Variants in SULT1B1 observed in about 807,000 individuals in gnomAD.
SULT1B1 encodes sulfotransferase family 1B member 1, also known as sulfotransferase 1B1.
A neutral mutation model predicts 34.6 loss-of-function variants in SULT1B1; 28 were observed. The observed-to-expected ratio is 0.81, with a 90% CI of 0.60 to 1.11. The LOEUF is 1.11. Among genes scored for constraint, SULT1B1 ranks in the 50% least tolerant of loss-of-function variants. The pLI, the probability that SULT1B1 is intolerant of heterozygous loss-of-function variation, is 0.00. For missense variants in SULT1B1, 374 were observed against 352.2 expected (o/e 1.06, Z -0.50); for synonymous variants, 147 against 110.2 (o/e 1.33, Z -2.09).
chr4:69,736,507 G>C lies in SULT1B1; in HGVS notation c.376-2243C>G, dbSNP rs371489157. On this transcript the variant is annotated intron_variant, in intron 4 of 7. Transcript: ENST00000310613. The stretch of plus-strand genomic sequence containing the variant: ...GTCTTACATCTTGGATACCAGCTCA[G>C]CGACAGTGGGATAAGGTACCAGTCT... Among the ~76,000 whole-genome samples, 19 of 152,156 alleles carry C rather than the reference G, an allele frequency of 1.2e-4. No individual in the cohort carries two copies. The East Asian group carries it at 2.5e-3, about 20-fold the overall frequency.
chr4:69,740,586 C>T (rs1003656678), intron 4 of SULT1B1, among the ~76,000 whole-genome samples: 1 of 152,172 alleles, frequency 6.6e-6, no homozygotes, highest in African/African-American at 2.4e-5. Flanking sequence ...TATTAGGCAT[C>T]TAGGTTGATT....
intron 4 of SULT1B1, among the ~76,000 whole-genome samples, chr4:69,747,430 G>A (rs1578062401): frequency 6.6e-6 from 1 of 152,246 alleles, no homozygotes; most frequent in South Asian, 2.1e-4. Context: ...AGCTGAGGCT[G>A]TGCACTAAGC....
At chr4:69,747,299 A>G (rs1718788703) in intron 4 of SULT1B1, among the ~76,000 whole-genome samples, 1 of 152,182 alleles carries the variant, frequency 6.6e-6, no homozygotes, top group African/African-American at 2.4e-5. Context: ...GAAGACTGAA[A>G]GTGAATCTGC....
At position 69,733,509 on chromosome 4, in the gene SULT1B1, T is replaced by G; in HGVS notation, c.503-2A>C. On this transcript the variant is annotated splice_acceptor_variant, in intron 5 of 7. Transcript: ENST00000310613. LOFTEE classifies it high-confidence loss of function. ...GAGTAAACCAGGAACCATAGGCCAC[T>G]AAAACCAGATAAAAGTCTATTTTCA... is the stretch of plus-strand genomic sequence containing the variant. 4 of 1,574,992 alleles carry G rather than the reference T, an allele frequency of 2.5e-6. No individual in the cohort carries two copies. Among genetic ancestry groups the G allele is most frequent in the Non-Finnish European group, 3.4e-6 (4 of 1,160,860 alleles).
intron 1 of SULT1B1, 165 bp downstream of exon 1, chr4:69,760,294 T>C (rs1309537358): frequency 6.3e-6 from 5 of 797,852 alleles, no homozygotes; most frequent in Non-Finnish European, 6.1e-6. Context: ...GCTTGAGAGA[T>C]TTTAGACAGC....
intron 5 of SULT1B1, among the ~76,000 whole-genome samples, chr4:69,733,839 T>C (rs1377751361): frequency 6.6e-6 from 1 of 152,114 alleles, no homozygotes; most frequent in African/African-American, 2.4e-5. Context: ...CATTAACAGA[T>C]CTAACTAATT....
intron 4 of SULT1B1, among the ~76,000 whole-genome samples, chr4:69,744,233 G>C (rs1405048091): frequency 6.6e-6 from 1 of 152,204 alleles, no homozygotes; most frequent in African/African-American, 2.4e-5. Flanking sequence ...GGCTCTCGGG[G>C]GAGTGCCAGG....
chr4:69,738,187 A>T (rs1222052476), intron 4 of SULT1B1, among the ~76,000 whole-genome samples: 1 of 152,218 alleles, frequency 6.6e-6, no homozygotes, highest in Non-Finnish European at 1.5e-5. Flanking sequence ...TGCAGAAAAC[A>T]TGATTTCCTT....
intron 3 of SULT1B1, among the ~76,000 whole-genome samples, chr4:69,751,525 C>G (rs1718981265): frequency 6.6e-6 from 1 of 152,106 alleles, no homozygotes; most frequent in South Asian, 2.1e-4. Flanking sequence ...GATCTCAGTT[C>G]ACTGCAAGCT....
chr4:69,749,624 TG>T, intron 4 of SULT1B1, 96 bp downstream of exon 4: 1 of 821,644 alleles, frequency 1.2e-6, no homozygotes, highest in Non-Finnish European at 2.0e-6. Context: ...TGCAAGTATA[TG>T]GTTAAAGAAA....
At chr4:69,739,746 C>A (rs1718467217) in intron 4 of SULT1B1, among the ~76,000 whole-genome samples, 1 of 152,214 alleles carries the variant, frequency 6.6e-6, no homozygotes, top group Admixed American at 6.5e-5. Flanking sequence ...TTTTTCTTTT[C>A]TACTGCATCA....
At chr4:69,755,332 C>G in intron 1 of SULT1B1, 71 bp from the exon 2 acceptor site, 1 of 1,233,522 alleles carries the variant, frequency 8.1e-7, no homozygotes. Context: ...TGCAATTTGT[C>G]ACAAAGTAAA....
chr4:69,754,276 A>T (rs1338416562), intron 3 of SULT1B1, among the ~76,000 whole-genome samples: 4 of 152,190 alleles, frequency 2.6e-5, no homozygotes, highest in African/African-American at 7.2e-5. Context: ...CATTCCATAA[A>T]TATTTTGTGG....
chr4:69,754,966 TG>T, intron 2 of SULT1B1, 103 bp downstream of exon 2: 1 of 1,274,390 alleles, frequency 7.8e-7, no homozygotes, highest in Non-Finnish European at 1.1e-6. Context: ...CTGCACAAAA[TG>T]AATATTAACT....
Position 69,734,175 on chromosome 4 carries a change from G to C in SULT1B1, c.465C>G (p.Thr155=). 1.2e-6 allele frequency: 2 copies of C among 1,611,524 alleles called. No individual in the cohort carries two copies. Among genetic ancestry groups the C allele is most frequent in the Middle Eastern group, 1.7e-4 (1 of 6,056 alleles). The stretch of plus-strand genomic sequence containing the variant: ...AGAATTTCTCCAGATATTCTTCCCA[G>C]GTACCAGGAAAAGGCTGTAAATTAT... The part of the protein sequence containing the change: ...LMNNLQPFPG[T]WEEYLEKFLT... The change falls in exon 5 of 8, where the codon ACC becomes ACG. Residue 155 remains threonine, a synonymous_variant. Coordinates refer to ENST00000310613, the MANE Select transcript of SULT1B1 (RefSeq NM_014465.4).
chr4:69,750,098 C>T (rs41292311), intron 3 of SULT1B1, among the ~76,000 whole-genome samples: 1,727 of 152,236 alleles, frequency 0.011, 15 homozygotes, highest in Non-Finnish European at 0.018. Context: ...ACTTCACTTT[C>T]TCCATCTCCA....
intron 6 of SULT1B1, among the ~76,000 whole-genome samples, chr4:69,732,021 G>T (rs570350673): frequency 9.2e-5 from 14 of 152,308 alleles, no homozygotes; most frequent in South Asian, 4.1e-4. Context: ...AAAACATGAA[G>T]AGAGTTATTT....
At chr4:69,727,362 C>A (rs1261069488) in intron 7 of SULT1B1, among the ~76,000 whole-genome samples, 162 bp from the exon 8 acceptor site, 3 of 151,824 alleles carry the variant, frequency 2.0e-5, no homozygotes, top group Non-Finnish European at 2.9e-5. Context: ...ATTTTTCAGG[C>A]TTTTAAAATT....
intron 4 of SULT1B1, among the ~76,000 whole-genome samples, chr4:69,740,419 A>G (rs1718499505): frequency 6.6e-6 from 1 of 152,204 alleles, no homozygotes; most frequent in Non-Finnish European, 1.5e-5. Flanking sequence ...AGGTACTTAT[A>G]AAACTATCAG....
Sources: gnomAD v4.1 joint callset for allele counts (sites outside exome capture counted in the v4.1 genomes callset) on GRCh38, gnomAD v4.1.1 for gene constraint, MANE v1.5 for transcripts, NCBI Gene and HGNC (gene_info 2026-07-23, HGNC 2026-07-21) for gene names.